ZNF440: variants seen among roughly 807,000 people sequenced by gnomAD.
ZNF440 encodes zinc finger protein 440.
Under a neutral mutation model 49.7 loss-of-function variants are expected in ZNF440, and 47 were observed. The observed-to-expected ratio is 0.95, with a 90% CI of 0.75 to 1.21. The LOEUF (loss-of-function observed/expected upper bound fraction) is 1.21. ZNF440 is among the 50% of genes most tolerant of loss of function. ZNF440 has a pLI of 0.00. For missense variants in ZNF440, 703 were observed against 715.0 expected, an observed-to-expected ratio of 0.98 and a Z score of 0.19; for synonymous variants, 255 against 237.7, an observed-to-expected ratio of 1.07 and a Z score of -0.67.
intron 1 of ZNF440, among the ~76,000 whole-genome samples, chr19:11,820,889 C>A (rs1975791453): frequency 6.6e-6 from 1 of 152,134 alleles, no homozygotes; most frequent in South Asian, 2.1e-4. Context: ...GGAAAGGCCA[C>A]TTCAACGGGG....
At chr19:11,815,327 A>ACACACAC (rs1568237561) in intron 1 of ZNF440, among the ~76,000 whole-genome samples, 26 of 68,320 alleles carry the variant, frequency 3.8e-4, no homozygotes, top group African/African-American at 7.3e-4. Context: ...CACACACACA[A>ACACACAC]ATTAAATAGG....
Position 11,831,547 on chromosome 19 carries a change from A to G in ZNF440, c.371A>G (p.Asn124Ser), listed in dbSNP as rs427880. 694,879 of 1,613,762 alleles carry G rather than the reference A, an allele frequency of 0.43. 155,577 individuals carry two copies. The highest frequency in any genetic ancestry group is 0.81 in the African/African-American group (60,418 of 74,934). ...CTAGGTAACTCATCTTTTAATATGA[A>G]CATCAGAGGTGACATTGGACACAAG... ...VGLGNSSFNM[N>S]IRGDIGHKAY... Residue 124 changes from asparagine (N) to serine (S), a missense_variant, in exon 4 of 4, where the codon AAC (asparagine) becomes AGC (serine). By Grantham distance (46) the Asn-to-Ser change is conservative. Transcript: ENST00000304060.
At chr19:11,825,033 A>G (rs1975846202) in intron 1 of ZNF440, among the ~76,000 whole-genome samples, 1 of 151,874 alleles carries the variant, frequency 6.6e-6, no homozygotes. Flanking sequence ...AAACATCTTG[A>G]CTGGCCAGGT....
In ZNF440 at chr19:11,832,520, C is replaced by T. The variant is rs776006009; in HGVS notation, c.1344C>T (p.His448=). The T allele has an allele frequency of 7.4e-6, 12 of 1,613,452 alleles. No homozygotes were observed. The highest frequency in any genetic ancestry group is 1.1e-5 in the South Asian group (1 of 91,056). The stretch of plus-strand genomic sequence containing the variant: ...AAAGTCATGAAAGGACACAAACACA[C>T]ATAAGAATACACTCTGGAGAAAGAC... ...NLQSHERTQT[H]IRIHSGERRY... Residue 448 remains histidine, a synonymous_variant, in exon 4 of 4, where the codon CAC becomes CAT. Coordinates refer to ENST00000304060, the MANE Select transcript of ZNF440 (RefSeq NM_152357.3).
chr19:11,832,394 A>G lies in ZNF440; in HGVS notation c.1218A>G (p.Arg406=), dbSNP rs375295276. 114 of 1,613,616 alleles carry G rather than the reference A, an allele frequency of 7.1e-5. No homozygotes were observed. The highest frequency in any genetic ancestry group is 2.2e-4 in the Admixed American group (13 of 59,976). ...GTAAGCAATGTGGGAAAGCCTTCAG[A>G]TCTGCCTCACACCTTCGAGTGCATG... ...YECKQCGKAF[R]SASHLRVHGR... Residue 406 remains arginine (R), a synonymous_variant, in exon 4 of 4, where the codon AGA becomes AGG. Coordinates refer to ENST00000304060, the MANE Select transcript of ZNF440 (RefSeq NM_152357.3).
chr19:11,826,579 A>G (rs1975868650), intron 1 of ZNF440, among the ~76,000 whole-genome samples: 1 of 151,986 alleles, frequency 6.6e-6, no homozygotes, highest in Admixed American at 6.6e-5. Flanking sequence ...CAGCATTTGG[A>G]AGTGTCAGTG....
chr19:11,833,069 T>C lies in ZNF440; in HGVS notation c.*105T>C. ...AAAATCTTACACTGGAGAGAAACCC[T>C]ATGAGTGTAAGCAATGTGGGAAAGC... On this transcript the variant is annotated 3_prime_UTR_variant, in exon 4 of 4. Coordinates refer to ENST00000304060, the MANE Select transcript of ZNF440 (RefSeq NM_152357.3). 5 of 1,551,824 alleles carry C rather than the reference T, an allele frequency of 3.2e-6. No homozygotes were observed. Among genetic ancestry groups the C allele is most frequent in the Non-Finnish European group, 4.4e-6 (5 of 1,133,500 alleles).
intron 1 of ZNF440, 59 bp from the exon 2 acceptor site, chr19:11,830,224 C>T: frequency 6.2e-7 from 1 of 1,608,292 alleles, no homozygotes; most frequent in Non-Finnish European, 8.5e-7. Flanking sequence ...GGAATAGAGT[C>T]TAGGCCCCCA....
chr19:11,830,452 A>G (rs1975922101), intron 2 of ZNF440, 43 bp downstream of exon 2: 1 of 1,611,142 alleles, frequency 6.2e-7, no homozygotes. Context: ...TTAGTGAACC[A>G]GTGTTTCTAG....
intron 1 of ZNF440, chr19:11,830,008 G>T: frequency 2.1e-6 from 1 of 485,566 alleles, no homozygotes; most frequent in Non-Finnish European, 3.5e-6. Flanking sequence ...TGTAATCTTA[G>T]CTACTCAGGA....
chr19:11,814,561 C>T, intron 1 of ZNF440, 111 bp downstream of exon 1: 1 of 1,235,612 alleles, frequency 8.1e-7, no homozygotes, highest in African/African-American at 1.6e-5. Context: ...GTCGTGGACG[C>T]GAGTCCCCTC....
rs1179389328 is a variant in ZNF440, at chr19:11,833,764, C to A, written c.*800C>A. ...TATGAATATAAGCAATGTGGGAAAG[C>A]CTTCAGATCAGCCTCGCACCTTCAA... is the stretch of plus-strand genomic sequence containing the variant. On this transcript the variant is annotated 3_prime_UTR_variant, in exon 4 of 4. Transcript: ENST00000304060. 2.4e-6 allele frequency: 2 copies of A among 834,478 alleles called. No individual in the cohort carries two copies. Among genetic ancestry groups the A allele is most frequent in the Admixed American group, 5.2e-5 (2 of 38,548 alleles). The allele number at this position is 834,478 out of a possible 1,614,324, so 51.7% of individuals were successfully genotyped here.
chr19:11,831,933 G>T lies in ZNF440; in HGVS notation c.757G>T (p.Glu253Ter). ...HRIHKRTHTGEKPYEYQECGK... is the reference protein window; with the variant it reads ...HRIHKRTHTG ...AATACATAAAAGAACTCACACTGGA[G>T]AAAAGCCTTATGAATATCAGGAGTG... The change falls in exon 4 of 4, where the codon GAA becomes TAA. Residue 253 changes from glutamate to a stop codon, truncating the protein, a stop_gained. Transcript: ENST00000304060. LOFTEE classifies it high-confidence loss of function. 6.2e-7 allele frequency: 1 copy of T among 1,614,034 alleles called. No individual in the cohort carries two copies. The highest frequency in any genetic ancestry group is 8.5e-7 in the Non-Finnish European group (1 of 1,179,986).
At position 11,834,090 on chromosome 19, in the gene ZNF440, T is replaced by A; in HGVS notation, c.*1126T>A. The A allele has an allele frequency of 3.3e-6, 1 of 299,308 alleles. No homozygotes were observed. The allele number at this position is 299,308 out of a possible 1,614,324, so 18.5% of individuals were successfully genotyped here. On this transcript the variant is annotated 3_prime_UTR_variant, in exon 4 of 4. Coordinates refer to ENST00000304060, the MANE Select transcript of ZNF440 (RefSeq NM_152357.3). ...ATTCGAAAATTTTACTTTTCATGCT[T>A]CTGTACTTACATTTTTATCTCAACC...
At chr19:11,829,389 G>T (rs1281179587) in intron 1 of ZNF440, among the ~76,000 whole-genome samples, 1 of 150,824 alleles carries the variant, frequency 6.6e-6, no homozygotes, top group Non-Finnish European at 1.5e-5. Flanking sequence ...TTTCCCAGGG[G>T]CTCCCCCTCC....
Position 11,831,480 on chromosome 19 carries a change from G to T in ZNF440, c.304G>T (p.Glu102Ter). 5.6e-6 allele frequency: 9 copies of T among 1,613,952 alleles called. No individual in the cohort carries two copies. Among genetic ancestry groups the T allele is most frequent in the Non-Finnish European group, 6.8e-6 (8 of 1,179,866 alleles). The part of the protein sequence containing the change: ...LNFQEKKASP[E>*]VKSCESFVCG... The stretch of plus-strand genomic sequence containing the variant: ...CTTCCAGGAGAAGAAAGCTTCTCCT[G>T]AAGTAAAATCATGTGAAAGCTTTGT... The change falls in exon 4 of 4, where the codon GAA becomes TAA. Residue 102 changes from glutamate (E) to a stop codon, truncating the protein, a stop_gained. Coordinates refer to ENST00000304060, the MANE Select transcript of ZNF440 (RefSeq NM_152357.3). LOFTEE classifies it high-confidence loss of function.
chr19:11,816,945 T>C (rs1258345584), intron 1 of ZNF440: 1 of 152,222 alleles, frequency 6.6e-6, no homozygotes, highest in Non-Finnish European at 1.5e-5. Context: ...GGTATGTTTT[T>C]ATTTTTAGTT....
In ZNF440 at chr19:11,830,422, A is replaced by G. The variant is rs375654786; in HGVS notation, c.130+13A>G. On this transcript the variant is annotated intron_variant, in intron 2 of 3. Transcript: ENST00000304060. ...CTGACCTCTTTAGGTAAGGATGACA[A>G]TATTCCTTCCCTCAGTCCATTAGTG... 17 of 1,613,636 alleles carry G rather than the reference A, an allele frequency of 1.1e-5. No homozygotes were observed. In the African/African-American group the frequency reaches 2.0e-4, roughly 19 times the overall value.
chr19:11,822,401 A>G lies in ZNF440; in HGVS notation c.4-7882A>G, dbSNP rs369098255. Among the ~76,000 whole-genome samples the G allele has an allele frequency of 1.1e-4, 17 of 152,376 alleles. No homozygotes were observed. The South Asian group carries it at 3.3e-3, about 30-fold the overall frequency. The stretch of plus-strand genomic sequence containing the variant: ...AGAACTCAGTATAAGAGGCAACTCT[A>G]GAATTAATTAAATTATTGTATATGG... On this transcript the variant is annotated intron_variant, in intron 1 of 3. Coordinates refer to ENST00000304060, the MANE Select transcript of ZNF440 (RefSeq NM_152357.3).
Sources: allele counts gnomAD v4.1 joint callset (sites outside exome capture counted in the v4.1 genomes callset), GRCh38; gene constraint gnomAD v4.1.1; transcripts MANE v1.5; gene names NCBI Gene and HGNC (gene_info 2026-07-23, HGNC 2026-07-21).